Variants in ASAP3 observed in about 807,000 individuals in gnomAD.
ASAP3 encodes arf-GAP with SH3 domain, ANK repeat and PH domain-containing protein 3.
ASAP3 carries 85 observed loss-of-function variants against 118.2 expected under a neutral mutation model. The ratio of observed to expected loss-of-function variants is 0.72; its 90% CI spans 0.60 to 0.86. ASAP3 has a LOEUF of 0.86. Among genes scored for constraint, ASAP3 ranks in the 40% least tolerant of loss-of-function variants. The pLI is 0.00. For missense variants in ASAP3, 1,026 were observed against 1,175.0 expected, an observed-to-expected ratio of 0.87 and a Z score of 1.85; for synonymous variants, 432 against 477.4, an observed-to-expected ratio of 0.90 and a Z score of 1.24.
intron 1 of ASAP3, among the ~76,000 whole-genome samples, chr1:23,467,245 A>T (rs1570398505): frequency 6.6e-6 from 1 of 150,804 alleles, no homozygotes; most frequent in African/African-American, 2.4e-5. Context: ...CCTAGGCTGA[A>T]GTGCTGAAGT....
chr1:23,452,717 G>T lies in ASAP3; in HGVS notation c.403C>A (p.Gln135Lys). Residue 135 changes from glutamine to lysine, a missense_variant, in exon 4 of 25, where the codon CAG becomes AAG. Gln to Lys is a moderately conservative substitution (Grantham distance 53). Transcript: ENST00000336689. ...CTCACCTGTCGACCGTCCCTCAGCTGCCCCTTCATCAGACTGTCCAGGGGG... is the reference window on the plus strand; with the variant it reads ...CTCACCTGTCGACCGTCCCTCAGCTTCCCCTTCATCAGACTGTCCAGGGGG... ...SFPLDSLMKG[Q>K]LRDGRQDSKK... The T allele has an allele frequency of 6.2e-7, 1 of 1,613,824 alleles. No individual in the cohort carries two copies. Among genetic ancestry groups the T allele is most frequent in the East Asian group, 2.2e-5 (1 of 44,874 alleles).
chr1:23,431,052 G>A lies in ASAP3; in HGVS notation c.2620C>T (p.Pro874Ser), dbSNP rs1347294989. The A allele has an allele frequency of 1.3e-6, 2 of 1,588,594 alleles. No individual in the cohort carries two copies. Among genetic ancestry groups the A allele is most frequent in the Non-Finnish European group, 1.7e-6 (2 of 1,168,498 alleles). ...GTTCCTACCGGCACGTTCCTTCTGG[G>A]CAGAGGCTGCCTGGCTGAGGGACCA... The part of the protein sequence containing the change: ...EDGPSARQPL[P>S]RRNVPVGITE... The change falls in exon 24 of 25, where the codon CCC (proline) becomes TCC (serine). Residue 874 changes from proline to serine, a missense_variant. Pro to Ser is a moderately conservative substitution (Grantham distance 74). Coordinates refer to ENST00000336689, the MANE Select transcript of ASAP3 (RefSeq NM_017707.4).
chr1:23,429,929 A>C lies in ASAP3; in HGVS notation c.2639T>G (p.Val880Gly), dbSNP rs1570316929. ...RQPLPRRNVP[V>G]GITEGDGSRT... ...TGAGCCATCTCCTTCAGTGATGCCA[A>C]CCTGCAGAAAGAAGGATGAAACTGA... is the stretch of plus-strand genomic sequence containing the variant. The change falls in exon 25 of 25, where the codon GTT (valine) becomes GGT (glycine). Residue 880 changes from valine to glycine, a missense_variant and splice_region_variant. Coordinates refer to ENST00000336689, the MANE Select transcript of ASAP3 (RefSeq NM_017707.4). 6.2e-7 allele frequency: 1 copy of C among 1,613,650 alleles called. No individual in the cohort carries two copies.
intron 1 of ASAP3, among the ~76,000 whole-genome samples, chr1:23,482,797 A>G (rs1642350905): frequency 6.6e-6 from 1 of 151,878 alleles, no homozygotes. Context: ...AAATACAAAA[A>G]AAAAATTAGC....
chr1:23,462,092 C>T (rs1312637451), intron 1 of ASAP3, among the ~76,000 whole-genome samples: 3 of 151,578 alleles, frequency 2.0e-5, no homozygotes, highest in Non-Finnish European at 4.4e-5. Context: ...GGCACAATCT[C>T]GGCTCACTGC....
rs1450958311 is a variant in ASAP3 at position 23,436,011 on chromosome 1, T to G, written c.1589A>C (p.Tyr530Ser). 6.2e-7 allele frequency: 1 copy of G among 1,614,232 alleles called. No homozygotes were observed. The highest frequency in any genetic ancestry group is 2.2e-5 in the East Asian group (1 of 44,888). The change falls in exon 17 of 25, where the codon TAC becomes TCC. Residue 530 changes from tyrosine (Y) to serine (S), a missense_variant. Physicochemically the swap from Tyr to Ser is moderately radical, Grantham distance 144. Coordinates refer to ENST00000336689, the MANE Select transcript of ASAP3 (RefSeq NM_017707.4). The surrounding 1 kb of genome is among the most constrained non-coding windows in gnomAD (Gnocchi z 4.2). ...ATGCTCCACATACTTGGCCATAATG[T>G]AGTCCCTGCGGGTGCCCCTACCAAA... ...AESDMGTRRDYIMAKYVEHRF... is the reference protein window; with the variant it reads ...AESDMGTRRDSIMAKYVEHRF...
intron 2 of ASAP3, 22 bp from the exon 3 acceptor site, chr1:23,456,048 C>T (rs368919893): frequency 1.7e-5 from 28 of 1,613,948 alleles, no homozygotes; most frequent in Non-Finnish European, 2.3e-5. Context: ...CAGACGGGAG[C>T]TTGGAGTTAG....
intron 5 of ASAP3, among the ~76,000 whole-genome samples, chr1:23,448,188 T>G (rs982269660): frequency 6.6e-6 from 1 of 152,236 alleles, no homozygotes; most frequent in Non-Finnish European, 1.5e-5. Context: ...AGAAGGAGAC[T>G]ACAGCAACAG....
At chr1:23,465,519 G>A (rs188455389) in intron 1 of ASAP3, among the ~76,000 whole-genome samples, 1 of 151,444 alleles carries the variant, frequency 6.6e-6, no homozygotes, top group Non-Finnish European at 1.5e-5. Flanking sequence ...TTTTTTTGGG[G>A]GGGGGATAGA....
intron 3 of ASAP3, among the ~76,000 whole-genome samples, chr1:23,454,287 A>G (rs1641315402): frequency 6.6e-6 from 1 of 151,598 alleles, no homozygotes; most frequent in East Asian, 1.9e-4. Flanking sequence ...CCCGGGTTCA[A>G]GTGATTCTCC....
chr1:23,453,283 A>G (rs1641282395), intron 3 of ASAP3, among the ~76,000 whole-genome samples: 1 of 152,106 alleles, frequency 6.6e-6, no homozygotes, highest in African/African-American at 2.4e-5. Context: ...TCCTGTGGGG[A>G]ACTCCTCCTC....
rs752097411 is a variant in ASAP3, at chr1:23,436,692, A to T, written c.1477-38T>A. On this transcript the variant is annotated intron_variant, in intron 15 of 24. Transcript: ENST00000336689. This position sits in a 1 kb window ranked among gnomAD's most constrained non-coding sequence, Gnocchi z 4.2. ...GAAAATAGACGTGGGGCGGAGTAAGACCGGGCGGTTAAGCCTGCATAGGGT... is the reference window on the plus strand; with the variant it reads ...GAAAATAGACGTGGGGCGGAGTAAGTCCGGGCGGTTAAGCCTGCATAGGGT... 12 of 1,612,182 alleles carry T rather than the reference A, an allele frequency of 7.4e-6. No individual in the cohort carries two copies. In the Admixed American group the frequency reaches 1.8e-4, roughly 25 times the overall value.
chr1:23,441,563 T>C (rs1640874351), intron 8 of ASAP3, 90 bp from the exon 9 acceptor site: 2 of 1,600,586 alleles, frequency 1.2e-6, no homozygotes, highest in African/African-American at 2.7e-5. Flanking sequence ...GTAGCCTCAC[T>C]CTGTGGGCAG....
At chr1:23,475,040 C>G (rs1323712934) in intron 1 of ASAP3, among the ~76,000 whole-genome samples, 3 of 152,248 alleles carry the variant, frequency 2.0e-5, no homozygotes, top group African/African-American at 7.2e-5. Flanking sequence ...GTGTGCCAGT[C>G]TGGCATCTGA....
At chr1:23,479,190 C>G (rs1642228917) in intron 1 of ASAP3, among the ~76,000 whole-genome samples, 1 of 152,154 alleles carries the variant, frequency 6.6e-6, no homozygotes, top group South Asian at 2.1e-4. Context: ...TAGACACTGG[C>G]CCAGTGAGGT....
intron 5 of ASAP3, among the ~76,000 whole-genome samples, chr1:23,445,933 G>C (rs974788855): frequency 5.9e-5 from 9 of 151,958 alleles, no homozygotes; most frequent in Non-Finnish European, 1.3e-4. Flanking sequence ...AGTGAGCCAT[G>C]ATTGCACCAC....
At chr1:23,451,832 CCT>C (rs1301924014) in intron 4 of ASAP3, among the ~76,000 whole-genome samples, 1 of 152,160 alleles carries the variant, frequency 6.6e-6, no homozygotes, top group African/African-American at 2.4e-5. Context: ...TGGGCTCTAC[CCT>C]GAGTCCTCTT....
intron 4 of ASAP3, among the ~76,000 whole-genome samples, chr1:23,451,932 T>C (rs550114903): frequency 1.1e-4 from 16 of 152,346 alleles, no homozygotes; most frequent in African/African-American, 3.6e-4. Context: ...CATTTTCTCC[T>C]GCCTGGTGCT....
At position 23,436,016 on chromosome 1, in the gene ASAP3, C is replaced by T. The variant is rs1248192991; in HGVS notation, c.1584G>A (p.Arg528=). The change falls in exon 17 of 25, where the codon AGG becomes AGA. Residue 528 remains arginine (R), a synonymous_variant. Transcript: ENST00000336689. This position sits in a 1 kb window ranked among gnomAD's most constrained non-coding sequence, Gnocchi z 4.2. ...PSAESDMGTR[R]DYIMAKYVEH... ...CCACATACTTGGCCATAATGTAGTC[C>T]CTGCGGGTGCCCCTACCAAAAACAA... 1 of 1,614,120 alleles carries T rather than the reference C, an allele frequency of 6.2e-7. No homozygotes were observed. Among genetic ancestry groups the T allele is most frequent in the Non-Finnish European group, 8.5e-7 (1 of 1,179,938 alleles).
Sources: allele counts gnomAD v4.1 joint callset (sites outside exome capture counted in the v4.1 genomes callset), GRCh38; gene constraint gnomAD v4.1.1; non-coding constraint Gnocchi (gnomAD v3.1); transcripts MANE v1.5; gene names NCBI Gene and HGNC (gene_info 2026-07-23, HGNC 2026-07-21).